The following PCDHGB3 variants were observed in gnomAD, a reference collection of about 807,000 sequenced individuals.
The protein encoded by PCDHGB3 is protocadherin gamma-B3.
PCDHGB3 carries 40 observed loss-of-function variants against 59.2 expected under a neutral mutation model. That is an observed-to-expected ratio of 0.68 (90% CI 0.52 to 0.88). The LOEUF (loss-of-function observed/expected upper bound fraction) is 0.88. PCDHGB3 is among the 40% of genes least tolerant of loss of function. The probability of loss-of-function intolerance (pLI) is 0.00; values close to 1 mark genes in which losing one functional copy is unlikely to be tolerated. For synonymous variants in PCDHGB3, 581 were observed against 503.6 expected (o/e 1.15, Z -2.06); for missense variants, 1,309 against 1,187.9 (o/e 1.10, Z -1.50).
chr5:141,405,138 G>A (rs777486710), intron 1 of PCDHGB3: 4 of 1,613,962 alleles, frequency 2.5e-6, no homozygotes, highest in Non-Finnish European at 3.4e-6. Flanking sequence ...CGGGCTACCA[G>A]TGATGGGTTG....
At chr5:141,447,647 T>C (rs1338920727) in intron 1 of PCDHGB3, among the ~76,000 whole-genome samples, 1 of 152,092 alleles carries the variant, frequency 6.6e-6, no homozygotes, top group African/African-American at 2.4e-5. Flanking sequence ...GATGGTAGAA[T>C]TTTCCCCCCC....
chr5:141,399,012 A>G (rs767195686), intron 1 of PCDHGB3: 7 of 1,613,946 alleles, frequency 4.3e-6, no homozygotes, highest in Admixed American at 3.3e-5. Context: ...CAAAGAGCGG[A>G]GAAATTACCA....
At chr5:141,430,841 T>C (rs757539834) in intron 1 of PCDHGB3, 1 of 1,566,462 alleles carries the variant, frequency 6.4e-7, no homozygotes, top group South Asian at 1.2e-5. Flanking sequence ...GGAGACCGGA[T>C]GCACCCAGAT....
intron 1 of PCDHGB3, chr5:141,478,860 A>C: frequency 1.9e-5 from 25 of 1,331,544 alleles, no homozygotes; most frequent in Middle Eastern, 2.6e-4. Context: ...ACAAGATCTC[A>C]GCGATCAGAG....
rs1264759473 is a variant in PCDHGB3 at position 141,486,183 on chromosome 5, G to A, written c.2416-8624G>A. On this transcript the variant is annotated intron_variant, in intron 1 of 3. Transcript: ENST00000576222. The surrounding 1 kb of genome is among the most constrained non-coding windows in gnomAD (Gnocchi z 5.0). The stretch of plus-strand genomic sequence containing the variant: ...GCCATGGAGCAACATTGCAGCCTTC[G>A]AGTGGATCTGCTGGACGTAAATGAC... 3 of 1,614,154 alleles carry A rather than the reference G, an allele frequency of 1.9e-6. No homozygotes were observed. The highest frequency in any genetic ancestry group is 1.1e-5 in the South Asian group (1 of 91,082).
chr5:141,460,553 C>A (rs2098991893), intron 1 of PCDHGB3, among the ~76,000 whole-genome samples: 1 of 152,032 alleles, frequency 6.6e-6, no homozygotes. Context: ...AATCAAAAAT[C>A]ATTTGGCCAT....
rs767330174 is a variant in PCDHGB3, at chr5:141,491,818, C to T, written c.2416-2989C>T. The T allele has an allele frequency of 1.6e-5, 24 of 1,481,560 alleles. No homozygotes were observed. The highest frequency in any genetic ancestry group is 1.9e-5 in the Non-Finnish European group (21 of 1,116,446). 91.8% of individuals were successfully genotyped at this position (1,481,560 alleles called of 1,614,324 possible). A position where few individuals can be genotyped will look rare whatever the true frequency, so the allele number is the denominator to read the frequency against. On this transcript the variant is annotated intron_variant, in intron 1 of 3. Transcript: ENST00000576222. This position sits in a 1 kb window ranked among gnomAD's most constrained non-coding sequence, Gnocchi z 6.9. ...CTCCGGCCGGCTTGGTCGCTGGCTGCGCTCCACCCGATTCTCGGGATCATT... is the reference window on the plus strand; with the variant it reads ...CTCCGGCCGGCTTGGTCGCTGGCTGTGCTCCACCCGATTCTCGGGATCATT...
intron 1 of PCDHGB3, chr5:141,403,362 G>C: frequency 6.2e-7 from 1 of 1,614,062 alleles, no homozygotes; most frequent in Non-Finnish European, 8.5e-7. Flanking sequence ...CAGGCCGAAA[G>C]TCTGGAAGTA....
chr5:141,408,699 CAATT>C (rs778787749), intron 1 of PCDHGB3: 9 of 1,613,534 alleles, frequency 5.6e-6, no homozygotes, highest in Non-Finnish European at 6.8e-6. Flanking sequence ...AACATAAACT[CAATT>C]AAAGATTATA....
In PCDHGB3 at chr5:141,490,413, G is replaced by C. The variant is rs2233606; in HGVS notation, c.2416-4394G>C. 6 of 1,614,128 alleles carry C rather than the reference G, an allele frequency of 3.7e-6. No individual in the cohort carries two copies. In the South Asian group the frequency reaches 4.4e-5, roughly 12 times the overall value. On this transcript the variant is annotated intron_variant, in intron 1 of 3. Transcript: ENST00000576222. The surrounding 1 kb of genome is among the most constrained non-coding windows in gnomAD (Gnocchi z 5.4). ...GTGAAGTGAGCCTTGATATCTCTCCGGACCTGCCATTTCAGATTAAGCCTT... is the reference window on the plus strand; with the variant it reads ...GTGAAGTGAGCCTTGATATCTCTCCCGACCTGCCATTTCAGATTAAGCCTT...
chr5:141,433,093 G>A (rs1203083573), intron 1 of PCDHGB3: 4 of 1,614,206 alleles, frequency 2.5e-6, no homozygotes, highest in Admixed American at 1.7e-5. Flanking sequence ...ATGCAGACAT[G>A]CTCGTCAGCC....
chr5:141,416,452 A>T (rs2154546483), intron 1 of PCDHGB3: 1 of 152,342 alleles, frequency 6.6e-6, no homozygotes, highest in African/African-American at 2.4e-5. Flanking sequence ...ATGGGTTGGG[A>T]AGACAGATAA....
rs1379095967 is a variant in PCDHGB3 at position 141,422,752 on chromosome 5, A to C, written c.2415+49943A>C. The C allele has an allele frequency of 6.2e-7, 1 of 1,612,064 alleles. No homozygotes were observed. The highest frequency in any genetic ancestry group is 1.3e-5 in the African/African-American group (1 of 74,892). On this transcript the variant is annotated intron_variant, in intron 1 of 3. Transcript: ENST00000576222. The stretch of plus-strand genomic sequence containing the variant: ...GCCTCTGTCCTCCTATGTCTCTATT[A>C]ACTCCAACACTGGTGTTCTCTATGC...
At position 141,487,100 on chromosome 5, in the gene PCDHGB3, C is replaced by T. The variant is rs183291629; in HGVS notation, c.2416-7707C>T. On this transcript the variant is annotated intron_variant, in intron 1 of 3. Coordinates refer to ENST00000576222, the MANE Select transcript of PCDHGB3 (RefSeq NM_018924.5). The surrounding 1 kb of genome is among the most constrained non-coding windows in gnomAD (Gnocchi z 5.0). ...CCCAGCTGACCTCCCACCACAGAAG[C>T]TGGTCATTGTGGTAAAGGATAGTGG... The T allele has an allele frequency of 5.6e-4, 909 of 1,614,074 alleles. 2 individuals carry two copies. Among genetic ancestry groups the T allele is most frequent in the Non-Finnish European group, 1.4e-4 (168 of 1,179,960 alleles).
chr5:141,384,914 T>C, intron 1 of PCDHGB3: 1 of 1,613,988 alleles, frequency 6.2e-7, no homozygotes, highest in Non-Finnish European at 8.5e-7. Flanking sequence ...CCCGAAGTCT[T>C]GGCCGACCTG....
intron 1 of PCDHGB3, chr5:141,403,145 C>T (rs749236674): frequency 2.5e-6 from 4 of 1,613,920 alleles, no homozygotes; most frequent in African/African-American, 1.3e-5. Flanking sequence ...GCGCCGAGTC[C>T]GCATCGTCTC....
chr5:141,400,106 T>A (rs771937544), intron 1 of PCDHGB3: 1 of 1,613,950 alleles, frequency 6.2e-7, no homozygotes, highest in African/African-American at 1.3e-5. Context: ...CACTTGGTCT[T>A]TGCTGACAGC....
intron 1 of PCDHGB3, among the ~76,000 whole-genome samples, chr5:141,470,360 T>G (rs1554150725): frequency 6.6e-6 from 1 of 152,142 alleles, no homozygotes; most frequent in Non-Finnish European, 1.5e-5. Context: ...ATAGACACAT[T>G]AGGTTGAATG....
At chr5:141,451,334 C>G (rs916812246) in intron 1 of PCDHGB3, among the ~76,000 whole-genome samples, 4 of 152,192 alleles carry the variant, frequency 2.6e-5, no homozygotes, top group Non-Finnish European at 4.4e-5. Context: ...AGGCTATTGT[C>G]TTATCTGAAG....
Sources: gnomAD v4.1 joint callset for allele counts (sites outside exome capture counted in the v4.1 genomes callset) on GRCh38, gnomAD v4.1.1 for gene constraint, Gnocchi (gnomAD v3.1) non-coding constraint, MANE v1.5 for transcripts, NCBI Gene and HGNC (gene_info 2026-07-23, HGNC 2026-07-21) for gene names.